TAF2: variants seen among roughly 807,000 people sequenced by gnomAD.
TAF2 encodes transcription initiation factor TFIID subunit 2.
In TAF2, 61 loss-of-function variants were observed where a neutral mutation model predicts 138.5. That is an observed-to-expected ratio of 0.44 (90% CI 0.36 to 0.54). TAF2 has a LOEUF of 0.54. TAF2 is among the 20% of genes least tolerant of loss of function. The pLI is 0.00. For missense variants in TAF2, 1,090 were observed against 1,427.9 expected (o/e 0.76, Z 3.81); for synonymous variants, 475 against 469.9 (o/e 1.01, Z -0.14).
intron 25 of TAF2, among the ~76,000 whole-genome samples, chr8:119,734,965 G>A (rs1475715824): frequency 2.6e-5 from 4 of 152,104 alleles, no homozygotes; most frequent in South Asian, 2.1e-4. Flanking sequence ...TTCTTTGGAC[G>A]GTTTTCTTCA....
At chr8:119,780,642 A>C (rs909384913) in intron 17 of TAF2, among the ~76,000 whole-genome samples, 1 of 152,216 alleles carries the variant, frequency 6.6e-6, no homozygotes, top group Non-Finnish European at 1.5e-5. Flanking sequence ...AATGTTTAAA[A>C]GTAAAAAAAG....
intron 18 of TAF2, among the ~76,000 whole-genome samples, chr8:119,768,834 G>A (rs1821628397): frequency 6.6e-6 from 1 of 152,214 alleles, no homozygotes; most frequent in African/African-American, 2.4e-5. Flanking sequence ...ATTGGGCTGA[G>A]TGAGGAGTTC....
chr8:119,827,714 C>T (rs1348087586), intron 2 of TAF2, among the ~76,000 whole-genome samples: 3 of 148,762 alleles, frequency 2.0e-5, no homozygotes, highest in African/African-American at 7.4e-5. Context: ...CACTATTACA[C>T]CAAAAAGGCC....
intron 2 of TAF2, among the ~76,000 whole-genome samples, chr8:119,826,654 G>A (rs556635536): frequency 9.9e-5 from 15 of 151,758 alleles, no homozygotes; most frequent in East Asian, 9.7e-4. Context: ...GCAGCAGTGC[G>A]ATTTCGGCTC....
intron 25 of TAF2, among the ~76,000 whole-genome samples, chr8:119,737,735 C>T (rs1347533688): frequency 6.6e-6 from 1 of 151,994 alleles, no homozygotes; most frequent in Non-Finnish European, 1.5e-5. Context: ...TCTTGAACTC[C>T]TGACCTCAAA....
chr8:119,819,207 G>A (rs1188644892), intron 3 of TAF2, 139 bp downstream of exon 3: 2 of 855,356 alleles, frequency 2.3e-6, no homozygotes, highest in Admixed American at 4.6e-5. Context: ...AATGTACAGA[G>A]TGGTAAAACA....
chr8:119,797,976 A>G lies in TAF2; in HGVS notation c.793-130T>C, dbSNP rs557402541. 9.7e-5 allele frequency: 88 copies of G among 908,822 alleles called. 2 individuals are homozygous for G. In the South Asian group the frequency reaches 1.4e-3, roughly 14 times the overall value. The allele number at this position is 908,822 out of a possible 1,614,324, so 56.3% of individuals were successfully genotyped here. A position where few individuals can be genotyped will look rare whatever the true frequency, so the allele number is the denominator to read the frequency against. Reference sequence around the variant, plus strand: ...TCTTTAATAATTTCAAGATGCTGAAAGAAAATGTTGTGAAAATAGTGATCA... The same window carrying G: ...TCTTTAATAATTTCAAGATGCTGAAGGAAAATGTTGTGAAAATAGTGATCA... On this transcript the variant is annotated intron_variant, in intron 6 of 25. Transcript: ENST00000378164.
chr8:119,798,675 C>T (rs965981173), intron 6 of TAF2, among the ~76,000 whole-genome samples: 7 of 152,050 alleles, frequency 4.6e-5, no homozygotes, highest in African/African-American at 9.7e-5. Context: ...ACATCTATTA[C>T]GGTCAAATTA....
chr8:119,743,790 A>C (rs1055424786), intron 24 of TAF2, among the ~76,000 whole-genome samples: 1 of 152,226 alleles, frequency 6.6e-6, no homozygotes, highest in African/African-American at 2.4e-5. Flanking sequence ...AATGCCTATC[A>C]ATAAGGAAAT....
At position 119,760,949 on chromosome 8, in the gene TAF2, ATTAAT is replaced by A. The variant is rs552568672; in HGVS notation, c.2559-216_2559-212del. Among the ~76,000 whole-genome samples, 1,138 of 152,314 alleles carry A rather than the reference ATTAAT, an allele frequency of 7.5e-3. 16 individuals carry two copies. The highest frequency in any genetic ancestry group is 0.026 in the African/African-American group (1,078 of 41,566). On this transcript the variant is annotated intron_variant, in intron 19 of 25. Transcript: ENST00000378164. Reference sequence around the variant, plus strand: ...TACAATGGTGGTCCAGTAAGCTAAAATTAATTTATCACTAAAGAAAAAATATTTTT... The same window carrying A: ...TACAATGGTGGTCCAGTAAGCTAAAATTATCACTAAAGAAAAAATATTTTT...
intron 2 of TAF2, among the ~76,000 whole-genome samples, chr8:119,831,195 C>A (rs947523540): frequency 6.6e-6 from 1 of 152,054 alleles, no homozygotes; most frequent in Non-Finnish European, 1.5e-5. Flanking sequence ...TAAATTGTGT[C>A]GGGAGGCAGG....
At chr8:119,748,917 T>TA (rs112030672) in intron 22 of TAF2, among the ~76,000 whole-genome samples, 227 of 125,678 alleles carry the variant, frequency 1.8e-3, no homozygotes, top group African/African-American at 2.4e-3. Flanking sequence ...TTTTATCAGT[T>TA]AAAAAAAAAA....
chr8:119,832,434 A>T, intron 1 of TAF2, 48 bp downstream of exon 1: 1 of 1,579,550 alleles, frequency 6.3e-7, no homozygotes, highest in Non-Finnish European at 8.7e-7. Context: ...AAATATAATT[A>T]ATGGCAACAA....
At chr8:119,804,159 A>G in intron 4 of TAF2, 140 bp from the exon 5 acceptor site, 1 of 988,360 alleles carries the variant, frequency 1.0e-6, no homozygotes, top group South Asian at 1.5e-5. Context: ...ACCCTAGTTT[A>G]GACTTTTACC....
At chr8:119,777,011 C>T (rs915066989) in intron 18 of TAF2, among the ~76,000 whole-genome samples, 3 of 151,252 alleles carry the variant, frequency 2.0e-5, no homozygotes, top group African/African-American at 7.2e-5. Flanking sequence ...TGTGTCTGTA[C>T]TGAACATGTA....
intron 9 of TAF2, 61 bp downstream of exon 9, chr8:119,795,471 C>T: frequency 7.3e-7 from 1 of 1,370,376 alleles, no homozygotes; most frequent in Non-Finnish European, 1.0e-6. Flanking sequence ...AAGTATTTTA[C>T]AGTCATTAAA....
chr8:119,789,471 T>G (rs759222407), intron 12 of TAF2, 121 bp downstream of exon 12: 48 of 1,217,486 alleles, frequency 3.9e-5, no homozygotes, highest in Non-Finnish European at 5.6e-5. Context: ...TACCATTGTT[T>G]AGAAATATAA....
chr8:119,790,435 C>CA (rs367801935), intron 11 of TAF2, among the ~76,000 whole-genome samples: 1,515 of 145,922 alleles, frequency 0.01, 24 homozygotes, highest in African/African-American at 0.036. Context: ...GACCCTATCT[C>CA]AAAAAAAAAC....
intron 6 of TAF2, among the ~76,000 whole-genome samples, chr8:119,801,076 T>A (rs1304390888): frequency 1.3e-5 from 2 of 152,220 alleles, no homozygotes; most frequent in Non-Finnish European, 2.9e-5. Flanking sequence ...TCTGTTTTCC[T>A]CTGTATAGGT....
Sources: allele counts gnomAD v4.1 joint callset (sites outside exome capture counted in the v4.1 genomes callset), GRCh38; gene constraint gnomAD v4.1.1; transcripts MANE v1.5; gene names NCBI Gene and HGNC (gene_info 2026-07-23, HGNC 2026-07-21).